BCAS3: variants seen among roughly 807,000 people sequenced by gnomAD.
The protein encoded by BCAS3 is BCAS4/BCAS3 fusion.
A neutral mutation model predicts 116.1 loss-of-function variants in BCAS3; 53 were observed. That is an observed-to-expected ratio of 0.46 (90% CI 0.37 to 0.57). The LOEUF (loss-of-function observed/expected upper bound fraction) is 0.57. BCAS3 is among the 20% of genes least tolerant of loss of function. The pLI, the probability that BCAS3 is intolerant of heterozygous loss-of-function variation, is 0.00. For missense variants in BCAS3, 917 were observed against 1,165.4 expected (o/e 0.79, Z 3.10); for synonymous variants, 391 against 408.2 (o/e 0.96, Z 0.51).
At chr17:60,785,159 T>C (rs2046180800) in intron 6 of BCAS3, among the ~76,000 whole-genome samples, 1 of 152,140 alleles carries the variant, frequency 6.6e-6, no homozygotes, top group African/African-American at 2.4e-5. Flanking sequence ...TTTACTTTTT[T>C]TCTTAGTTTT....
intron 7 of BCAS3, among the ~76,000 whole-genome samples, chr17:60,812,327 C>CA (rs1362834445): frequency 2.0e-5 from 3 of 151,950 alleles, no homozygotes; most frequent in East Asian, 1.9e-4. Flanking sequence ...TAGGAGTTTG[C>CA]AAAAAAATGT....
chr17:60,766,800 C>G (rs567175521), intron 6 of BCAS3, among the ~76,000 whole-genome samples: 1 of 152,242 alleles, frequency 6.6e-6, no homozygotes, highest in Admixed American at 6.5e-5. Flanking sequence ...TCTGTCCCCA[C>G]AGGTGGAGTC....
At chr17:61,191,324 C>A in intron 22 of BCAS3, among the ~76,000 whole-genome samples, 1 of 151,690 alleles carries the variant, frequency 6.6e-6, no homozygotes, top group East Asian at 1.9e-4. Flanking sequence ...AGAAAGTGAG[C>A]AAGTAGGAGA....
At chr17:60,947,493 T>G (rs2060571792) in intron 14 of BCAS3, 141 bp downstream of exon 14, 1 of 934,818 alleles carries the variant, frequency 1.1e-6, no homozygotes, top group Non-Finnish European at 1.5e-6. Context: ...GTTAGATAAA[T>G]AGGGAAAAAT....
Position 60,868,691 on chromosome 17 carries a change from T to G in BCAS3, c.584+8T>G. 6.5e-7 allele frequency: 1 copy of G among 1,530,898 alleles called. No individual in the cohort carries two copies. Among genetic ancestry groups the G allele is most frequent in the African/African-American group, 1.4e-5 (1 of 70,874 alleles). 94.8% of individuals were successfully genotyped at this position (1,530,898 alleles called of 1,614,324 possible). ...TCTCCATTGCAATAAACGGTAAGGA[T>G]TTTTTCATGGGTTTCTTGTGTAAAA... On this transcript the variant is annotated splice_region_variant and intron_variant, in intron 8 of 23. Transcript: ENST00000407086.
rs114432132 is a variant in BCAS3, at chr17:61,363,128, C to T, written c.2426-5199C>T. Among the ~76,000 whole-genome samples, 3,076 of 152,202 alleles carry T rather than the reference C, an allele frequency of 0.02. 99 individuals carry two copies. The highest frequency in any genetic ancestry group is 0.069 in the African/African-American group (2,885 of 41,516). On this transcript the variant is annotated intron_variant, in intron 22 of 23. Coordinates refer to ENST00000407086, the MANE Select transcript of BCAS3 (RefSeq NM_017679.5). This position sits in a 1 kb window ranked among gnomAD's most constrained non-coding sequence, Gnocchi z 4.9. ...TTCATGTGAACAGTGTAAGGCAGTA[C>T]GGAAATAAGGCCACAGGAATGATCT...
chr17:60,736,604 T>C (rs1014799677), intron 5 of BCAS3, among the ~76,000 whole-genome samples: 4 of 152,184 alleles, frequency 2.6e-5, no homozygotes, highest in Non-Finnish European at 5.9e-5. Context: ...ATTATTTCTT[T>C]CTTAAATGTA....
At chr17:61,255,381 T>G (rs2048702439) in intron 22 of BCAS3, among the ~76,000 whole-genome samples, 1 of 152,220 alleles carries the variant, frequency 6.6e-6, no homozygotes, top group Non-Finnish European at 1.5e-5. Flanking sequence ...CCTCCAGATC[T>G]CCAGAATATA....
At position 61,332,685 on chromosome 17, in the gene BCAS3, G is replaced by A. The variant is rs962464967; in HGVS notation, c.2426-35642G>A. On this transcript the variant is annotated intron_variant, in intron 22 of 23. Transcript: ENST00000407086. This position sits in a 1 kb window ranked among gnomAD's most constrained non-coding sequence, Gnocchi z 5.4. ...GGCTGGAGTGCAATGGCATGATCTC[G>A]GCTCATAGCAGCCTCCACCTCCCAG... Among the ~76,000 whole-genome samples the A allele has an allele frequency of 7.9e-5, 12 of 151,952 alleles. No individual in the cohort carries two copies. Among genetic ancestry groups the A allele is most frequent in the Non-Finnish European group, 1.2e-4 (8 of 67,996 alleles).
chr17:60,970,871 A>G (rs935124779), intron 14 of BCAS3, among the ~76,000 whole-genome samples: 15 of 152,252 alleles, frequency 9.9e-5, no homozygotes, highest in Admixed American at 2.6e-4. Context: ...GAGTAACACT[A>G]CTAGCTACAT....
At chr17:60,804,602 TC>T (rs1334322940) in intron 6 of BCAS3, among the ~76,000 whole-genome samples, 4 of 152,228 alleles carry the variant, frequency 2.6e-5, no homozygotes, top group Non-Finnish European at 2.9e-5. Context: ...ATAGTGTAAT[TC>T]GTTGTGTTGT....
At chr17:60,946,839 A>C (rs2060526826) in intron 13 of BCAS3, among the ~76,000 whole-genome samples, 3 of 152,046 alleles carry the variant, frequency 2.0e-5, no homozygotes, top group African/African-American at 7.2e-5. Flanking sequence ...TGAGCCCAGG[A>C]ATTTGCGGCT....
chr17:61,097,339 T>C lies in BCAS3; in HGVS notation c.2425+12775T>C, dbSNP rs2074043222. Reference sequence around the variant, plus strand: ...GACTACAGGCGCCCGCCACCACGCCTGGCTAATTTTTTGTATTTTTAATAG... The same window carrying C: ...GACTACAGGCGCCCGCCACCACGCCCGGCTAATTTTTTGTATTTTTAATAG... On this transcript the variant is annotated intron_variant, in intron 22 of 23. Coordinates refer to ENST00000407086, the MANE Select transcript of BCAS3 (RefSeq NM_017679.5). This position sits in a 1 kb window ranked among gnomAD's most constrained non-coding sequence, Gnocchi z 4.0. Among the ~76,000 whole-genome samples the C allele has an allele frequency of 6.6e-6, 1 of 152,032 alleles. No individual in the cohort carries two copies. Among genetic ancestry groups the C allele is most frequent in the South Asian group, 2.1e-4 (1 of 4,818 alleles).
chr17:61,318,288 T>C (rs550524530), intron 22 of BCAS3, among the ~76,000 whole-genome samples: 1 of 152,354 alleles, frequency 6.6e-6, no homozygotes, highest in Non-Finnish European at 1.5e-5. Context: ...TAGGCAGGAA[T>C]AGAAGTTCCA....
At chr17:61,046,844 T>G (rs2068402754) in intron 19 of BCAS3, among the ~76,000 whole-genome samples, 1 of 151,854 alleles carries the variant, frequency 6.6e-6, no homozygotes, top group African/African-American at 2.4e-5. Flanking sequence ...ACTCCGGAAA[T>G]TATAATAATA....
rs1373901251 is a variant in BCAS3, at chr17:61,224,144, T to C, written c.2425+139580T>C. ...AAGCAGTTTTTATTTTTATGCTTTA[T>C]CTTTATTATTTTCCCATTGATTTAT... is the stretch of plus-strand genomic sequence containing the variant. On this transcript the variant is annotated intron_variant, in intron 22 of 23. Coordinates refer to ENST00000407086, the MANE Select transcript of BCAS3 (RefSeq NM_017679.5). The surrounding 1 kb of genome is among the most constrained non-coding windows in gnomAD (Gnocchi z 5.7). Among the ~76,000 whole-genome samples, 1 of 152,242 alleles carries C rather than the reference T, an allele frequency of 6.6e-6. No individual in the cohort carries two copies. The highest frequency in any genetic ancestry group is 1.5e-5 in the Non-Finnish European group (1 of 68,018).
chr17:61,091,044 A>C (rs2073519424), intron 22 of BCAS3, among the ~76,000 whole-genome samples: 1 of 152,226 alleles, frequency 6.6e-6, no homozygotes, highest in African/African-American at 2.4e-5. Context: ...TTAAGAAAAA[A>C]TGATAGCCCC....
At chr17:61,045,539 G>A (rs535568389) in intron 19 of BCAS3, among the ~76,000 whole-genome samples, 1 of 150,396 alleles carries the variant, frequency 6.6e-6, no homozygotes, top group Non-Finnish European at 1.5e-5. Flanking sequence ...AAAAGGCTAG[G>A]CGCAGTGGCT....
chr17:60,881,277 T>A (rs2056121114), intron 9 of BCAS3, among the ~76,000 whole-genome samples: 1 of 152,164 alleles, frequency 6.6e-6, no homozygotes, highest in African/African-American at 2.4e-5. Flanking sequence ...CCTGGCCTGG[T>A]CTTTTCACTT....
Sources: gnomAD v4.1 joint callset for allele counts (sites outside exome capture counted in the v4.1 genomes callset) on GRCh38, gnomAD v4.1.1 for gene constraint, Gnocchi (gnomAD v3.1) non-coding constraint, MANE v1.5 for transcripts, NCBI Gene and HGNC (gene_info 2026-07-23, HGNC 2026-07-21) for gene names.